USH2A: variants seen among roughly 807,000 people sequenced by gnomAD.
The protein encoded by USH2A is Usher syndrome 2A (autosomal recessive, mild).
In USH2A, 443 loss-of-function variants were observed where a neutral mutation model predicts 538.9. The observed-to-expected ratio is 0.82, with a 90% CI of 0.76 to 0.89. USH2A has a LOEUF of 0.89. Ranked by LOEUF, USH2A falls within the 40% of genes least tolerant of loss-of-function variation. The pLI is 0.00. For synonymous variants in USH2A, 2,413 were observed against 2,273.5 expected, an observed-to-expected ratio of 1.06 and a Z score of -1.75; for missense variants, 6,633 against 6,324.8, an observed-to-expected ratio of 1.05 and a Z score of -1.65.
chr1:215,743,555 G>C (rs1424541626), intron 58 of USH2A, among the ~76,000 whole-genome samples: 2 of 151,010 alleles, frequency 1.3e-5, no homozygotes, highest in Admixed American at 6.6e-5. Flanking sequence ...GAGGCCGGGC[G>C]TGGTGGCTCA....
At chr1:215,764,616 A>G (rs745629362) in intron 56 of USH2A, among the ~76,000 whole-genome samples, 39 of 152,284 alleles carry the variant, frequency 2.6e-4, no homozygotes, top group Admixed American at 2.4e-3. Context: ...TGCGTTGGCT[A>G]TGCATAAACA....
At position 215,674,728 on chromosome 1, in the gene USH2A, T is replaced by A; in HGVS notation, c.13183A>T (p.Asn4395Tyr). The A allele has an allele frequency of 4.3e-6, 7 of 1,614,096 alleles. No homozygotes were observed. Among genetic ancestry groups the A allele is most frequent in the Non-Finnish European group, 5.9e-6 (7 of 1,180,022 alleles). ...KITKYLVRYD[N>Y]KESLAGQGLC... ...CCCTGGCCAGCAAGGGACTCTTTATTATCATATCTAACTAAATATTTAGTA... is the reference window on the plus strand; with the variant it reads ...CCCTGGCCAGCAAGGGACTCTTTATAATCATATCTAACTAAATATTTAGTA... The change falls in exon 63 of 72, where the codon AAT becomes TAT. Residue 4395 changes from asparagine (N) to tyrosine (Y), a missense_variant. Physicochemically the swap from Asn to Tyr is moderately radical, Grantham distance 143. Transcript: ENST00000307340.
At position 215,664,397 on chromosome 1, in the gene USH2A, T is replaced by C. The variant is rs545406380; in HGVS notation, c.14133+6575A>G. Among the ~76,000 whole-genome samples the C allele has an allele frequency of 7.2e-5, 11 of 152,356 alleles. 1 individual carries two copies. The South Asian group carries it at 2.3e-3, about 32-fold the overall frequency. Reference sequence around the variant, plus strand: ...TGAATAACCATATATCCATTTATTATCTGAAGCTGATTTCATACATTCACT... The same window carrying C: ...TGAATAACCATATATCCATTTATTACCTGAAGCTGATTTCATACATTCACT... On this transcript the variant is annotated intron_variant, in intron 64 of 71. Transcript: ENST00000307340.
At position 216,061,019 on chromosome 1, in the gene USH2A, G is replaced by T. The variant is rs543826571; in HGVS notation, c.6049+9082C>A. On this transcript the variant is annotated intron_variant, in intron 30 of 71. Transcript: ENST00000307340. ...ATAACTGAAGGGTTTTCTACCCTGA[G>T]GCTCTGGCTGAGGGAATGAACCTTA... Among the ~76,000 whole-genome samples, 621 of 152,284 alleles carry T rather than the reference G, an allele frequency of 4.1e-3. 4 individuals carry two copies. The highest frequency in any genetic ancestry group is 0.015 in the South Asian group (73 of 4,824).
intron 11 of USH2A, among the ~76,000 whole-genome samples, chr1:216,270,421 C>A (rs536363709): frequency 2.6e-5 from 4 of 152,218 alleles, no homozygotes; most frequent in Admixed American, 6.5e-5. Context: ...TCAGAAAATT[C>A]TTTTCTTTCC....
intron 37 of USH2A, among the ~76,000 whole-genome samples, chr1:215,963,733 G>A (rs980192191): frequency 6.6e-6 from 1 of 152,082 alleles, no homozygotes; most frequent in Non-Finnish European, 1.5e-5. Context: ...TTGGTCTGGA[G>A]TCCCTTGATC....
chr1:215,698,433 CCCA>C (rs1294852706), intron 61 of USH2A, among the ~76,000 whole-genome samples: 2 of 152,214 alleles, frequency 1.3e-5, no homozygotes, highest in East Asian at 3.9e-4. Context: ...AATTTACACT[CCCA>C]CCAACAGTGT....
intron 4 of USH2A, among the ~76,000 whole-genome samples, chr1:216,337,593 A>G (rs1304663779): frequency 6.6e-6 from 1 of 151,462 alleles, no homozygotes; most frequent in Non-Finnish European, 1.5e-5. Context: ...ATGTAAAGCC[A>G]TTTCCATTAA....
chr1:216,242,507 CA>C (rs2035959086), intron 13 of USH2A, among the ~76,000 whole-genome samples: 1 of 151,836 alleles, frequency 6.6e-6, no homozygotes, highest in African/African-American at 2.4e-5. Flanking sequence ...CTTTTTAAAA[CA>C]GGCACTTATG....
chr1:216,061,319 C>T (rs1182470104), intron 30 of USH2A, among the ~76,000 whole-genome samples: 2 of 152,020 alleles, frequency 1.3e-5, no homozygotes, highest in Admixed American at 6.6e-5. Flanking sequence ...ACATAAAATC[C>T]CACTTCCCAA....
chr1:216,223,438 C>T (rs988014726), intron 14 of USH2A, among the ~76,000 whole-genome samples: 1 of 152,144 alleles, frequency 6.6e-6, no homozygotes, highest in African/African-American at 2.4e-5. Flanking sequence ...TTGCAGCTAA[C>T]TGTATAATTA....
At chr1:215,912,497 A>ATATATG (rs1665827557) in intron 38 of USH2A, among the ~76,000 whole-genome samples, 2 of 23,092 alleles carry the variant, frequency 8.7e-5, no homozygotes, top group East Asian at 1.3e-3. Context: ...ATATGTGTAT[A>ATATATG]TATATATATA....
At chr1:215,759,925 C>A in intron 56 of USH2A, 82 bp from the exon 57 acceptor site, 1 of 1,530,748 alleles carries the variant, frequency 6.5e-7, no homozygotes, top group Non-Finnish European at 9.0e-7. Context: ...CCCCCATGAA[C>A]TGTGATATTT....
intron 64 of USH2A, among the ~76,000 whole-genome samples, chr1:215,661,894 G>T (rs1359683298): frequency 6.6e-6 from 1 of 152,066 alleles, no homozygotes; most frequent in Non-Finnish European, 1.5e-5. Flanking sequence ...CTTCCTCCCT[G>T]GGTCTGTTTT....
intron 71 of USH2A, among the ~76,000 whole-genome samples, 180 bp downstream of exon 71, chr1:215,628,634 G>T (rs1452136551): frequency 6.6e-6 from 1 of 152,164 alleles, no homozygotes; most frequent in Non-Finnish European, 1.5e-5. Flanking sequence ...ACAAGACAAA[G>T]TTTCTACCCT....
intron 21 of USH2A, among the ~76,000 whole-genome samples, chr1:216,110,423 A>C (rs1467435955): frequency 1.3e-5 from 2 of 152,220 alleles, no homozygotes; most frequent in Non-Finnish European, 2.9e-5. Context: ...GAAGAAATGA[A>C]AACATCAGCC....
At chr1:215,832,435 C>A (rs984827819) in intron 47 of USH2A, among the ~76,000 whole-genome samples, 1 of 151,852 alleles carries the variant, frequency 6.6e-6, no homozygotes, top group African/African-American at 2.4e-5. Flanking sequence ...AAATATGTCA[C>A]AACGAAGTTC....
chr1:216,102,470 G>A lies in USH2A; in HGVS notation c.4628-5257C>T, dbSNP rs116780569. Among the ~76,000 whole-genome samples the A allele has an allele frequency of 7.2e-5, 11 of 151,832 alleles. No individual in the cohort carries two copies. The South Asian group carries it at 1.9e-3, about 26-fold the overall frequency. ...ACATTCATAAACTACTAGTTGGAGC[G>A]TACAACCTCTTTTAAAAACTGACAG... On this transcript the variant is annotated intron_variant, in intron 21 of 71. Coordinates refer to ENST00000307340, the MANE Select transcript of USH2A (RefSeq NM_206933.4).
chr1:215,826,417 A>G (rs909252857), intron 47 of USH2A, among the ~76,000 whole-genome samples: 24 of 152,234 alleles, frequency 1.6e-4, no homozygotes, highest in Admixed American at 2.6e-4. Context: ...ATTGTCAAAC[A>G]GTGATGGCAG....
Sources: allele counts gnomAD v4.1 joint callset (sites outside exome capture counted in the v4.1 genomes callset), GRCh38; gene constraint gnomAD v4.1.1; transcripts MANE v1.5; gene names NCBI Gene and HGNC (gene_info 2026-07-23, HGNC 2026-07-21).